Variants in MEST observed in about 807,000 individuals in gnomAD.
MEST encodes the protein mesoderm-specific transcript homolog protein.
Under a neutral mutation model 50.9 loss-of-function variants are expected in MEST, and 18 were observed. The ratio of observed to expected loss-of-function variants is 0.35; its 90% CI spans 0.24 to 0.52. The LOEUF is 0.52. Among genes scored for constraint, MEST ranks in the 20% least tolerant of loss-of-function variants. The probability of loss-of-function intolerance (pLI) is 0.94; values close to 1 mark genes in which losing one functional copy is unlikely to be tolerated. For synonymous variants in MEST, 130 were observed against 154.1 expected, an observed-to-expected ratio of 0.84 and a Z score of 1.16; for missense variants, 282 against 425.3, an observed-to-expected ratio of 0.66 and a Z score of 2.96.
intron 1 of MEST, among the ~76,000 whole-genome samples, chr7:130,494,055 T>TA (rs1249573194): frequency 6.6e-6 from 1 of 152,208 alleles, no homozygotes; most frequent in Non-Finnish European, 1.5e-5. Context: ...TAATAATGCC[T>TA]AAAAAATAGC....
chr7:130,496,617 G>A (rs1799072049), intron 2 of MEST: 1 of 167,832 alleles, frequency 6.0e-6, no homozygotes, highest in Non-Finnish European at 1.3e-5. Context: ...CCTTTTTATA[G>A]TTGACAGGAT....
At chr7:130,501,719 A>C (rs1316079586) in intron 9 of MEST, among the ~76,000 whole-genome samples, 2 of 152,150 alleles carry the variant, frequency 1.3e-5, no homozygotes, top group Non-Finnish European at 2.9e-5. Flanking sequence ...TTTGAAGTAG[A>C]TGTCGGCTGG....
rs1799239004 is a variant in MEST, at chr7:130,500,588, C to T, written c.647+56C>T. Reference sequence around the variant, plus strand: ...GAGCAATGTCGTGAAAAGTTGCTGCCATTACAATTCTGGGCCAAATCCTAA... The same window carrying T: ...GAGCAATGTCGTGAAAAGTTGCTGCTATTACAATTCTGGGCCAAATCCTAA... On this transcript the variant is annotated intron_variant, in intron 8 of 11. Coordinates refer to ENST00000223215, the MANE Select transcript of MEST (RefSeq NM_002402.4). This position sits in a 1 kb window ranked among gnomAD's most constrained non-coding sequence, Gnocchi z 5.0. 4 of 1,525,796 alleles carry T rather than the reference C, an allele frequency of 2.6e-6. No individual in the cohort carries two copies. Among genetic ancestry groups the T allele is most frequent in the Non-Finnish European group, 3.6e-6 (4 of 1,111,854 alleles). The allele number at this position is 1,525,796 out of a possible 1,614,324, so 94.5% of individuals were successfully genotyped here. A position where few individuals can be genotyped will look rare whatever the true frequency, so the allele number is the denominator to read the frequency against.
In MEST at chr7:130,492,324, G is replaced by T. The variant is rs1798855842; in HGVS notation, c.11G>T (p.Arg4Leu). The T allele has an allele frequency of 6.0e-6, 8 of 1,341,742 alleles. No individual in the cohort carries two copies. Among genetic ancestry groups the T allele is most frequent in the Non-Finnish European group, 7.6e-6 (8 of 1,045,876 alleles). The allele number at this position is 1,341,742 out of a possible 1,614,324, so 83.1% of individuals were successfully genotyped here. ...TGGGATAACGCGGCCATGGTGCGCCGAGATCGCCTCCGCAGGTGAGTGTGC... is the reference window on the plus strand; with the variant it reads ...TGGGATAACGCGGCCATGGTGCGCCTAGATCGCCTCCGCAGGTGAGTGTGC... MVR[R>L]DRLRRMREWW... is the part of the protein sequence containing the mutation. The change falls in exon 1 of 12, where the codon CGA becomes CTA. Residue 4 changes from arginine to leucine, a missense_variant. Coordinates refer to ENST00000223215, the MANE Select transcript of MEST (RefSeq NM_002402.4). The surrounding 1 kb of genome is among the most constrained non-coding windows in gnomAD (Gnocchi z 7.6).
In MEST at chr7:130,500,581, T is replaced by C; in HGVS notation, c.647+49T>C. Reference sequence around the variant, plus strand: ...TGGCCTAGAGCAATGTCGTGAAAAGTTGCTGCCATTACAATTCTGGGCCAA... The same window carrying C: ...TGGCCTAGAGCAATGTCGTGAAAAGCTGCTGCCATTACAATTCTGGGCCAA... On this transcript the variant is annotated intron_variant, in intron 8 of 11. Transcript: ENST00000223215. The surrounding 1 kb of genome is among the most constrained non-coding windows in gnomAD (Gnocchi z 5.0). 6.4e-7 allele frequency: 1 copy of C among 1,554,644 alleles called. No individual in the cohort carries two copies. Among genetic ancestry groups the C allele is most frequent in the South Asian group, 1.2e-5 (1 of 86,502 alleles).
intron 2 of MEST, chr7:130,495,842 T>G (rs554796269): frequency 9.5e-5 from 26 of 273,726 alleles, no homozygotes; most frequent in Non-Finnish European, 1.7e-4. Context: ...ATAACCACCA[T>G]TGGTTCTCTC....
rs551376794 is a variant in MEST at position 130,498,193 on chromosome 7, C to A, written c.394C>A (p.Arg132=). The change falls in exon 5 of 12, where the codon CGG becomes AGG. Residue 132 remains arginine (R), a synonymous_variant. Coordinates refer to ENST00000223215, the MANE Select transcript of MEST (RefSeq NM_002402.4). ...GGCCAGCATCGTGGAAGCGCTTTTG[C>A]GGCATCTGGGGCTCCAGAACCGCAG... ...EQASIVEALL[R]HLGLQNRRIN... 6.2e-7 allele frequency: 1 copy of A among 1,614,022 alleles called. No homozygotes were observed. The highest frequency in any genetic ancestry group is 1.7e-5 in the Admixed American group (1 of 59,992).
chr7:130,493,533 A>C (rs1057262243), intron 1 of MEST, among the ~76,000 whole-genome samples: 37 of 152,128 alleles, frequency 2.4e-4, no homozygotes, highest in Non-Finnish European at 5.1e-4. Context: ...TGGCCCCCTG[A>C]GAGGTTGCCT....
intron 9 of MEST, among the ~76,000 whole-genome samples, chr7:130,501,257 G>C (rs1384290133): frequency 6.6e-6 from 1 of 152,098 alleles, no homozygotes; most frequent in Non-Finnish European, 1.5e-5. Flanking sequence ...TGAGAATGTA[G>C]ACACTTTCAC....
At position 130,498,274 on chromosome 7, in the gene MEST, A is replaced by G; in HGVS notation, c.475A>G (p.Arg159Gly). The change falls in exon 5 of 12, where the codon AGG becomes GGG. Residue 159 changes from arginine (R) to glycine (G), a missense_variant and splice_region_variant. Transcript: ENST00000223215. ...TATTGTTGCTCAGGAGCTTCTCTAC[A>G]GGTCAGTGGAGCTTCAGACTTCAGC... ...GDIVAQELLY[R>G]YKQNRSGRLT... The G allele has an allele frequency of 6.2e-7, 1 of 1,613,910 alleles. No homozygotes were observed. The highest frequency in any genetic ancestry group is 8.5e-7 in the Non-Finnish European group (1 of 1,179,878).
In MEST at chr7:130,506,115, A is replaced by C. The variant is rs1463044090; in HGVS notation, c.*1059A>C. On this transcript the variant is annotated 3_prime_UTR_variant, in exon 12 of 12. Coordinates refer to ENST00000223215, the MANE Select transcript of MEST (RefSeq NM_002402.4). ...TTTAAGAACAAACTCTGAAAGACCT[A>C]TGAGCAAATGGTGCTGAATACTTTT... 2.6e-5 allele frequency: 4 copies of C among 152,668 alleles called. No individual in the cohort carries two copies. The highest frequency in any genetic ancestry group is 2.6e-4 in the Admixed American group (4 of 15,288). The allele number at this position is 152,668 out of a possible 1,614,324, so 9.5% of individuals were successfully genotyped here.
intron 2 of MEST, chr7:130,496,505 A>G (rs1229310373): frequency 4.0e-6 from 1 of 251,820 alleles, no homozygotes; most frequent in East Asian, 1.6e-4. Context: ...CCATACTATT[A>G]GCAAGGTTAA....
At position 130,497,610 on chromosome 7, in the gene MEST, C is replaced by T. The variant is rs1396252053; in HGVS notation, c.262-326C>T. On this transcript the variant is annotated intron_variant, in intron 3 of 11. Coordinates refer to ENST00000223215, the MANE Select transcript of MEST (RefSeq NM_002402.4). This position sits in a 1 kb window ranked among gnomAD's most constrained non-coding sequence, Gnocchi z 4.0. ...TAAAAAACCTCAAGGATTTTGTTGTCAGCACCAGAAGGCTCTTGCACATTT... is the reference window on the plus strand; with the variant it reads ...TAAAAAACCTCAAGGATTTTGTTGTTAGCACCAGAAGGCTCTTGCACATTT... The T allele has an allele frequency of 7.1e-6, 2 of 281,852 alleles. No homozygotes were observed. Among genetic ancestry groups the T allele is most frequent in the Admixed American group, 9.6e-5 (2 of 20,868 alleles). The allele number at this position is 281,852 out of a possible 1,614,324, so 17.5% of individuals were successfully genotyped here. A position where few individuals can be genotyped will look rare whatever the true frequency, so the allele number is the denominator to read the frequency against.
In MEST at chr7:130,500,609, C is replaced by A; in HGVS notation, c.647+77C>A. 1 of 1,435,080 alleles carries A rather than the reference C, an allele frequency of 7.0e-7. No homozygotes were observed. The highest frequency in any genetic ancestry group is 9.6e-7 in the Non-Finnish European group (1 of 1,038,944). 88.9% of individuals were successfully genotyped at this position (1,435,080 alleles called of 1,614,324 possible). On this transcript the variant is annotated intron_variant, in intron 8 of 11. Coordinates refer to ENST00000223215, the MANE Select transcript of MEST (RefSeq NM_002402.4). This position sits in a 1 kb window ranked among gnomAD's most constrained non-coding sequence, Gnocchi z 5.0. Reference sequence around the variant, plus strand: ...CTGCCATTACAATTCTGGGCCAAATCCTAAGGCTTGATATTTTAAAGCAAA... The same window carrying A: ...CTGCCATTACAATTCTGGGCCAAATACTAAGGCTTGATATTTTAAAGCAAA...
intron 11 of MEST, among the ~76,000 whole-genome samples, chr7:130,504,558 CCT>C (rs782137928): frequency 3.9e-4 from 60 of 152,266 alleles, no homozygotes; most frequent in African/African-American, 1.3e-3. Flanking sequence ...TAAAATACCC[CCT>C]CTCTCATCTC....
chr7:130,491,119 A>G (rs1314957616), upstream of MEST: 1 of 152,280 alleles, frequency 6.6e-6, no homozygotes, highest in Non-Finnish European at 1.5e-5. This position sits in a 1 kb window ranked among gnomAD's most constrained non-coding sequence, Gnocchi z 6.8. Context: ...GAAAATGAAC[A>G]CAGACACTTC....
In MEST at chr7:130,500,796, C is replaced by A; in HGVS notation, c.655C>A (p.Pro219Thr). The A allele has an allele frequency of 6.2e-7, 1 of 1,610,566 alleles. No homozygotes were observed. Among genetic ancestry groups the A allele is most frequent in the Non-Finnish European group, 8.5e-7 (1 of 1,178,916 alleles). The change falls in exon 9 of 12, where the codon CCA becomes ACA. Residue 219 changes from proline to threonine, a missense_variant. Coordinates refer to ENST00000223215, the MANE Select transcript of MEST (RefSeq NM_002402.4). The surrounding 1 kb of genome is among the most constrained non-coding windows in gnomAD (Gnocchi z 5.0). The stretch of plus-strand genomic sequence containing the variant: ...CGTTTTGGACTCTTTCAGTCTCACC[C>A]CAGTCTTTGGGCCGTATACTCGGCC... ...NFFVFSRGLT[P>T]VFGPYTRPSE...
chr7:130,502,776 C>T (rs56382045), intron 10 of MEST, 56 bp downstream of exon 10: 23,279 of 1,280,744 alleles, frequency 0.018, 244 homozygotes, highest in Middle Eastern at 0.029. Context: ...TTAAAGTAAT[C>T]GCAACTCCTT....
chr7:130,499,634 T>TA (rs1554438049), intron 6 of MEST, among the ~76,000 whole-genome samples: 1 of 152,180 alleles, frequency 6.6e-6, no homozygotes, highest in African/African-American at 2.4e-5. Flanking sequence ...GTTTTGGTAG[T>TA]AAAGGCTGCA....
Sources: gnomAD v4.1 joint callset for allele counts (sites outside exome capture counted in the v4.1 genomes callset) on GRCh38, gnomAD v4.1.1 for gene constraint, Gnocchi (gnomAD v3.1) non-coding constraint, MANE v1.5 for transcripts, NCBI Gene and HGNC (gene_info 2026-07-23, HGNC 2026-07-21) for gene names.